ABCG2: variants seen among roughly 807,000 people sequenced by gnomAD.
ABCG2 encodes the protein broad substrate specificity ATP-binding cassette transporter ABCG2.
ABCG2 carries 80 observed loss-of-function variants against 73.5 expected under a neutral mutation model. The observed-to-expected ratio is 1.09, with a 90% CI of 0.91 to 1.31. ABCG2 has a LOEUF of 1.31. Among genes scored for constraint, ABCG2 ranks in the 50% most tolerant of loss-of-function variants. The pLI is 0.00. For synonymous variants in ABCG2, 269 were observed against 282.4 expected, an observed-to-expected ratio of 0.95 and a Z score of 0.48; for missense variants, 796 against 786.2, an observed-to-expected ratio of 1.01 and a Z score of -0.15.
At chr4:88,124,685 A>T (rs1724262061) in intron 5 of ABCG2, among the ~76,000 whole-genome samples, 1 of 152,174 alleles carries the variant, frequency 6.6e-6, no homozygotes, top group Non-Finnish European at 1.5e-5. Flanking sequence ...ACCTACAAGG[A>T]GACTTCAGAC....
At chr4:88,146,427 T>C (rs1187843412) in intron 1 of ABCG2, among the ~76,000 whole-genome samples, 1 of 151,722 alleles carries the variant, frequency 6.6e-6, no homozygotes, top group Non-Finnish European at 1.5e-5. Context: ...AGAGTCTCAC[T>C]CTGTTGCCGA....
rs35070245 is a variant in ABCG2, at chr4:88,172,581, GA to G, written c.-19-32568del. On this transcript the variant is annotated intron_variant, in intron 1 of 15. Transcript: ENST00000515655. ...AGACAGAGCAAGACTCTGTCTCAGGGAAAAAAAAAAAAATTAATTAATTAAT... is the reference window on the plus strand; with the variant it reads ...AGACAGAGCAAGACTCTGTCTCAGGGAAAAAAAAAAAATTAATTAATTAAT... Among the ~76,000 whole-genome samples the G allele has an allele frequency of 2.5e-3, 363 of 142,372 alleles. 2 individuals are homozygous for G. Among genetic ancestry groups the G allele is most frequent in the African/African-American group, 8.9e-3 (340 of 38,296 alleles). 93.4% of individuals were successfully genotyped at this position (142,372 alleles called of 152,430 possible). A position where few individuals can be genotyped will look rare whatever the true frequency, so the allele number is the denominator to read the frequency against.
At chr4:88,115,637 A>G (rs920272254) in intron 7 of ABCG2, among the ~76,000 whole-genome samples, 8 of 151,260 alleles carry the variant, frequency 5.3e-5, no homozygotes, top group Non-Finnish European at 1.0e-4. Context: ...AAAAAAAAAA[A>G]AGAAAGAAAA....
chr4:88,156,048 T>C (rs896754583), intron 1 of ABCG2, among the ~76,000 whole-genome samples: 2 of 151,992 alleles, frequency 1.3e-5, no homozygotes, highest in African/African-American at 4.8e-5. Context: ...AGCCTGAGCA[T>C]TCTCTGATGC....
chr4:88,094,758 T>C (rs930015939), intron 14 of ABCG2, 99 bp from the exon 15 acceptor site: 2 of 899,852 alleles, frequency 2.2e-6, no homozygotes, highest in Non-Finnish European at 3.5e-6. Flanking sequence ...TAATCTTTAT[T>C]GTTATTTCTA....
At chr4:88,181,422 A>AAAAAAAAAAAAAAAAAAAAAAAC (rs1728234437) in intron 1 of ABCG2, among the ~76,000 whole-genome samples, 1 of 136,148 alleles carries the variant, frequency 7.3e-6, no homozygotes, top group African/African-American at 2.7e-5. Context: ...AAAAAAAAAA[A>AAAAAAAAAAAAAAAAAAAAAAAC]AGAATGGGCT....
At chr4:88,230,948 T>C (rs140511627) in intron 1 of ABCG2, 28 of 152,334 alleles carry the variant, frequency 1.8e-4, no homozygotes, top group African/African-American at 6.7e-4. Context: ...AATCAAGATT[T>C]TCTACGAAGT....
intron 1 of ABCG2, among the ~76,000 whole-genome samples, chr4:88,191,207 G>A (rs1370175012): frequency 1.4e-5 from 2 of 143,188 alleles, no homozygotes; most frequent in Non-Finnish European, 3.1e-5. Flanking sequence ...TTGGCTCACT[G>A]CGTGCAGTGC....
intron 1 of ABCG2, among the ~76,000 whole-genome samples, chr4:88,176,477 C>CTTTTTTTT (rs34754034): frequency 2.4e-5 from 2 of 84,858 alleles, no homozygotes; most frequent in African/African-American, 4.5e-5. Flanking sequence ...AAAGAGAATG[C>CTTTTTTTT]TTTTTTTTTT....
chr4:88,167,097 T>C (rs904779368), intron 1 of ABCG2, among the ~76,000 whole-genome samples: 1 of 151,010 alleles, frequency 6.6e-6, no homozygotes, highest in African/African-American at 2.4e-5. Flanking sequence ...AGGTTAGGCT[T>C]TGCTCAGGGT....
At chr4:88,155,863 C>T (rs1423388058) in intron 1 of ABCG2, among the ~76,000 whole-genome samples, 3 of 151,948 alleles carry the variant, frequency 2.0e-5, no homozygotes, top group African/African-American at 7.3e-5. Flanking sequence ...CAGCTGAGAT[C>T]CCACCATTGC....
intron 1 of ABCG2, among the ~76,000 whole-genome samples, chr4:88,192,710 T>C (rs994201882): frequency 6.7e-6 from 1 of 149,452 alleles, no homozygotes; most frequent in Admixed American, 6.7e-5. Context: ...TGAGCCACTA[T>C]GCCTGGCCTT....
At position 88,203,945 on chromosome 4, in the gene ABCG2, C is replaced by T. The variant is rs574180936; in HGVS notation, c.-20+27049G>A. On this transcript the variant is annotated intron_variant, in intron 1 of 15. Transcript: ENST00000515655. ...TTTGTACCAGAAAATCTTAAAGCCA[C>T]AGCTGGACCAAAGGTATGCCAGCTC... is the stretch of plus-strand genomic sequence containing the variant. 2.6e-5 allele frequency among the ~76,000 whole-genome samples: 4 copies of T among 152,240 alleles called. No individual in the cohort carries two copies. In the East Asian group the frequency reaches 7.7e-4, roughly 29 times the overall value.
Position 88,131,087 on chromosome 4 carries a change from C to T in ABCG2, c.505G>A (p.Gly169Ser), listed in dbSNP as rs546434531. ...TTGGAGTCTGCCACTTTATCCAGAC[C>T]TAACTCTTGAATGACCCTGTTAATC... ...ERINRVIQEL[G>S]LDKVADSKVG... Residue 169 changes from glycine to serine, a missense_variant, in exon 5 of 16, where the codon GGT becomes AGT. Physicochemically the swap from Gly to Ser is moderately conservative, Grantham distance 56 (BLOSUM62 0). Coordinates refer to ENST00000237612, the MANE Select transcript of ABCG2 (RefSeq NM_004827.3). 3 of 1,614,046 alleles carry T rather than the reference C, an allele frequency of 1.9e-6. No homozygotes were observed. In the South Asian group the frequency reaches 3.3e-5, roughly 18 times the overall value.
At chr4:88,211,915 T>C (rs1440315964) in intron 1 of ABCG2, among the ~76,000 whole-genome samples, 1 of 152,206 alleles carries the variant, frequency 6.6e-6, no homozygotes, top group Non-Finnish European at 1.5e-5. Flanking sequence ...ATTTTTGTCT[T>C]ACCTGATTGC....
chr4:88,211,175 A>G (rs1414666173), intron 1 of ABCG2, among the ~76,000 whole-genome samples: 2 of 152,180 alleles, frequency 1.3e-5, no homozygotes, highest in African/African-American at 2.4e-5. Flanking sequence ...AGGATGTGCT[A>G]AACAGGGGAC....
chr4:88,164,663 G>T (rs1040946589), intron 1 of ABCG2, among the ~76,000 whole-genome samples: 8 of 152,038 alleles, frequency 5.3e-5, no homozygotes, highest in Non-Finnish European at 1.2e-4. Context: ...CCCAGTCTCG[G>T]GTATGTCTTT....
intron 2 of ABCG2, among the ~76,000 whole-genome samples, chr4:88,139,215 TA>T (rs1011902775): frequency 6.6e-6 from 1 of 152,120 alleles, no homozygotes; most frequent in African/African-American, 2.4e-5. Flanking sequence ...CTACTAACTT[TA>T]AAAGATAAAA....
chr4:88,231,077 C>A (rs937558859), exon 1 of ABCG2: 1 of 152,222 alleles, frequency 6.6e-6, no homozygotes, highest in Non-Finnish European at 1.5e-5. Flanking sequence ...GATTTCTACA[C>A]TTAGGAGTTT....
Sources: gnomAD v4.1 joint callset for allele counts (sites outside exome capture counted in the v4.1 genomes callset) on GRCh38, gnomAD v4.1.1 for gene constraint, MANE v1.5 for transcripts, NCBI Gene and HGNC (gene_info 2026-07-23, HGNC 2026-07-21) for gene names.